FBRS: variants seen among roughly 807,000 people sequenced by gnomAD.
The protein encoded by FBRS is probable fibrosin-1.
FBRS carries 15 observed loss-of-function variants against 86.1 expected under a neutral mutation model. The ratio of observed to expected loss-of-function variants is 0.17; its 90% CI spans 0.12 to 0.27. The LOEUF (loss-of-function observed/expected upper bound fraction) is 0.27, where lower values mean the gene tolerates loss of function less well. FBRS is among the 10% of genes least tolerant of loss of function. The pLI, the probability that FBRS is intolerant of heterozygous loss-of-function variation, is 1.00. For missense variants in FBRS, 1,367 were observed against 1,301.6 expected, an observed-to-expected ratio of 1.05 and a Z score of -0.77; for synonymous variants, 666 against 575.8, an observed-to-expected ratio of 1.16 and a Z score of -2.24.
At chr16:30,660,127 G>T in intron 1 of FBRS, 136 bp from the exon 2 acceptor site, 1 of 1,427,652 alleles carries the variant, frequency 7.0e-7, no homozygotes, top group Non-Finnish European at 9.2e-7. Context: ...CCCCGCCCTG[G>T]GGTGGGAGGA....
At chr16:30,662,491 G>A (rs2052473095) in intron 5 of FBRS, 23 bp downstream of exon 5, 1 of 1,550,620 alleles carries the variant, frequency 6.4e-7, no homozygotes, top group African/African-American at 1.4e-5. Context: ...GTCTGGGGCT[G>A]GAGGCACGGG....
Position 30,665,115 on chromosome 16 carries a change from GGT to G in FBRS, c.1608+40_1608+41del. On this transcript the variant is annotated intron_variant, in intron 9 of 17. Coordinates refer to ENST00000356166, the MANE Select transcript of FBRS (RefSeq NM_001105079.3). The surrounding 1 kb of genome is among the most constrained non-coding windows in gnomAD (Gnocchi z 4.1). ...GTGTGCGTGTGCGTATGGGGTGTGT[GGT>G]GTGGGCGTGGATGCATCCATGCTTG... is the stretch of plus-strand genomic sequence containing the variant. 6.2e-7 allele frequency: 1 copy of G among 1,604,870 alleles called. No homozygotes were observed. Among genetic ancestry groups the G allele is most frequent in the Non-Finnish European group, 8.5e-7 (1 of 1,176,792 alleles).
intron 7 of FBRS, 40 bp downstream of exon 7, chr16:30,664,556 C>A (rs1454636300): frequency 4.2e-6 from 6 of 1,428,214 alleles, no homozygotes; most frequent in Non-Finnish European, 5.5e-6. Flanking sequence ...GGGGCCATCA[C>A]CCCGGGCTCG....
chr16:30,669,716 T>G lies in FBRS; in HGVS notation c.*71T>G. 6.7e-7 allele frequency: 1 copy of G among 1,481,504 alleles called. No homozygotes were observed. The highest frequency in any genetic ancestry group is 2.4e-5 in the East Asian group (1 of 42,462). 91.8% of individuals were successfully genotyped at this position (1,481,504 alleles called of 1,614,324 possible). ...TAACCAGGTCCTAGGGCTGAGGTTT[T>G]AAGCCAGGGCTGGAGGGCAAAGGTC... On this transcript the variant is annotated 3_prime_UTR_variant, in exon 18 of 18. Transcript: ENST00000356166. The surrounding 1 kb of genome is among the most constrained non-coding windows in gnomAD (Gnocchi z 5.9).
At chr16:30,661,269 C>T (rs1002319183) in intron 3 of FBRS, 35 bp from the exon 4 acceptor site, 4 of 1,550,766 alleles carry the variant, frequency 2.6e-6, no homozygotes, top group South Asian at 1.2e-5. Flanking sequence ...GGGCCTCTTC[C>T]CTCTCGTGAC....
Position 30,664,357 on chromosome 16 carries a change from C to A in FBRS, c.1198C>A (p.Leu400Met). Residue 400 changes from leucine (L) to methionine (M), a missense_variant, in exon 7 of 18, where the codon CTG (leucine) becomes ATG (methionine). Physicochemically the swap from Leu to Met is conservative, Grantham distance 15. Transcript: ENST00000356166. ...THRPPTPSLPLPLSTHSFPPP... is the reference protein window; with the variant it reads ...THRPPTPSLPMPLSTHSFPPP... The stretch of plus-strand genomic sequence containing the variant: ...CCGGCCCCCGACGCCCTCACTGCCC[C>A]TGCCTTTGTCCACCCACAGCTTTCC... 1 of 1,539,148 alleles carries A rather than the reference C, an allele frequency of 6.5e-7. No homozygotes were observed. Among genetic ancestry groups the A allele is most frequent in the Non-Finnish European group, 8.8e-7 (1 of 1,139,458 alleles).
chr16:30,667,768 A>C, intron 15 of FBRS, 146 bp downstream of exon 15: 1 of 645,894 alleles, frequency 1.5e-6, no homozygotes, highest in Non-Finnish European at 2.4e-6. Flanking sequence ...ACCCCCTCTG[A>C]GCCTTGATTT....
chr16:30,659,550 C>G lies in FBRS; in HGVS notation c.32C>G (p.Pro11Arg). The G allele has an allele frequency of 3.2e-6, 1 of 317,066 alleles. No individual in the cohort carries two copies. Among genetic ancestry groups the G allele is most frequent in the Non-Finnish European group, 5.7e-6 (1 of 174,736 alleles). 19.6% of individuals were successfully genotyped at this position (317,066 alleles called of 1,614,324 possible). ...ACGGCAGCGGCCGCGGCCCCGGGTC[C>G]GGGCTGGGCAGCAGAGGGGGAGCGC... is the stretch of plus-strand genomic sequence containing the variant. METAAAAAPG[P>R]GWAAEGERRR... The change falls in exon 1 of 18, where the codon CCG (proline) becomes CGG (arginine). Residue 11 changes from proline to arginine, a missense_variant. Physicochemically the swap from Pro to Arg is moderately radical, Grantham distance 103. Coordinates refer to ENST00000356166, the MANE Select transcript of FBRS (RefSeq NM_001105079.3).
chr16:30,668,618 T>G lies in FBRS; in HGVS notation c.2133T>G (p.Phe711Leu). Residue 711 changes from phenylalanine to leucine, a missense_variant, in exon 16 of 18, where the codon TTT becomes TTG. Physicochemically the swap from Phe to Leu is conservative, Grantham distance 22 (BLOSUM62 0). This residue lies in a region of FBRS where 659 missense variants were observed against 678.8 expected (regional missense o/e 0.97). Transcript: ENST00000356166. ...TGGCTGCCCTCTCCAACGGGGCCTT[T>G]GGAGGCCTGGGCAGCCCCACATTCA... ...ASLAALSNGA[F>L]GGLGSPTFNS... The G allele has an allele frequency of 6.2e-7, 1 of 1,608,764 alleles. No homozygotes were observed. Among genetic ancestry groups the G allele is most frequent in the South Asian group, 1.1e-5 (1 of 90,896 alleles).
intron 1 of FBRS, 85 bp from the exon 2 acceptor site, chr16:30,660,178 G>A: frequency 1.4e-6 from 2 of 1,412,398 alleles, no homozygotes; most frequent in Admixed American, 3.1e-5. Flanking sequence ...CCGGCCCGAG[G>A]GGTACTTCGG....
chr16:30,669,424 G>A lies in FBRS; in HGVS notation c.2722G>A (p.Gly908Arg), dbSNP rs370740280. The A allele has an allele frequency of 1.5e-5, 24 of 1,612,686 alleles. No individual in the cohort carries two copies. In the South Asian group the frequency reaches 1.6e-4, roughly 11 times the overall value. Residue 908 changes from glycine to arginine, a missense_variant, in exon 18 of 18, where the codon GGG becomes AGG. Coordinates refer to ENST00000356166, the MANE Select transcript of FBRS (RefSeq NM_001105079.3). This position sits in a 1 kb window ranked among gnomAD's most constrained non-coding sequence, Gnocchi z 5.9. ...GGCGGGTGAGGAGCTAACTGGACCC[G>A]GGGCCGTGGCCGCTGCCCGCCTCTA... ...YEAGEELTGP[G>R]AVAAARLYGL...
In FBRS at chr16:30,662,739, C is replaced by T. The variant is rs1178046180; in HGVS notation, c.935C>T (p.Ala312Val). The T allele has an allele frequency of 1.3e-6, 2 of 1,538,902 alleles. No homozygotes were observed. Among genetic ancestry groups the T allele is most frequent in the East Asian group, 2.5e-5 (1 of 40,738 alleles). Residue 312 changes from alanine (A) to valine (V), a missense_variant, in exon 6 of 18, where the codon GCA becomes GTA. Around this residue, in one of 3 missense-constraint regions of FBRS, gnomAD observed 702 missense variants for 598.7 expected, o/e 1.17. Coordinates refer to ENST00000356166, the MANE Select transcript of FBRS (RefSeq NM_001105079.3). ...CCTCGGCCTCCTGTCTCACCCCCTGCACCCCTGCCGGCCACTCCCAGTCTG... is the reference window on the plus strand; with the variant it reads ...CCTCGGCCTCCTGTCTCACCCCCTGTACCCCTGCCGGCCACTCCCAGTCTG... ...PVPRPPVSPP[A>V]PLPATPSLPP...
chr16:30,668,987 T>A lies in FBRS; in HGVS notation c.2366+8T>A. 1 of 1,481,134 alleles carries A rather than the reference T, an allele frequency of 6.8e-7. No homozygotes were observed. The highest frequency in any genetic ancestry group is 9.2e-7 in the Non-Finnish European group (1 of 1,088,976). 91.7% of individuals were successfully genotyped at this position (1,481,134 alleles called of 1,614,324 possible). A position where few individuals can be genotyped will look rare whatever the true frequency, so the allele number is the denominator to read the frequency against. On this transcript the variant is annotated splice_region_variant and intron_variant, in intron 17 of 17. Coordinates refer to ENST00000356166, the MANE Select transcript of FBRS (RefSeq NM_001105079.3). The stretch of plus-strand genomic sequence containing the variant: ...CAAGGAGGAGAAGGACAGGTGTGCC[T>A]CCCACCCACCCTGCCCCTGCCCCAC...
In FBRS at chr16:30,659,849, G is replaced by A. The variant is rs750343411; in HGVS notation, c.331G>A (p.Glu111Lys). The A allele has an allele frequency of 2.0e-6, 3 of 1,536,222 alleles. No individual in the cohort carries two copies. The South Asian group carries it at 3.6e-5, about 18-fold the overall frequency. ...GSGSRGEEEE[E>K]EEEEGGADDG... ...GGGCAGCCGCGGGGAGGAAGAGGAG[G>A]AGGAGGAGGAGGAGGGGGGCGCAGA... The change falls in exon 1 of 18, where the codon GAG (glutamate) becomes AAG (lysine). Residue 111 changes from glutamate to lysine, a missense_variant. Physicochemically the swap from Glu to Lys is moderately conservative, Grantham distance 56 (BLOSUM62 1). This residue lies in a region of FBRS where 702 missense variants were observed against 598.7 expected (regional missense o/e 1.17). Coordinates refer to ENST00000356166, the MANE Select transcript of FBRS (RefSeq NM_001105079.3).
chr16:30,665,602 GC>G lies in FBRS; in HGVS notation c.1705-35del. The G allele has an allele frequency of 6.4e-7, 1 of 1,558,250 alleles. No individual in the cohort carries two copies. Among genetic ancestry groups the G allele is most frequent in the Non-Finnish European group, 8.7e-7 (1 of 1,150,310 alleles). Reference sequence around the variant, plus strand: ...CTGGATCCCTTTGTGCTTGGTGCCAGCTCTCCTGTCTGATCCCTCCACTCCC... The same window carrying G: ...CTGGATCCCTTTGTGCTTGGTGCCAGTCTCCTGTCTGATCCCTCCACTCCC... On this transcript the variant is annotated intron_variant, in intron 10 of 17. Coordinates refer to ENST00000356166, the MANE Select transcript of FBRS (RefSeq NM_001105079.3). The surrounding 1 kb of genome is among the most constrained non-coding windows in gnomAD (Gnocchi z 4.1).
In FBRS at chr16:30,665,679, G is replaced by A. The variant is rs750347130; in HGVS notation, c.1746G>A (p.Pro582=). ...PELPPRLGPV[P]SGLSQKGTQI... is the part of the protein sequence containing the mutation. ...TGCCACCACGACTGGGGCCGGTGCC[G>A]AGCGGGCTCTCCCAGAAGGGGACAC... Residue 582 remains proline, a synonymous_variant, in exon 11 of 18, where the codon CCG becomes CCA. Coordinates refer to ENST00000356166, the MANE Select transcript of FBRS (RefSeq NM_001105079.3). This position sits in a 1 kb window ranked among gnomAD's most constrained non-coding sequence, Gnocchi z 4.1. The A allele has an allele frequency of 2.7e-5, 43 of 1,589,896 alleles. No homozygotes were observed. The highest frequency in any genetic ancestry group is 3.6e-5 in the Admixed American group (2 of 56,040).
At chr16:30,662,887 T>C (rs928328112) in intron 6 of FBRS, 28 bp downstream of exon 6, 23 of 1,423,172 alleles carry the variant, frequency 1.6e-5, no homozygotes, top group Non-Finnish European at 1.9e-5. Context: ...ATTGATGCGG[T>C]CCGGAAGGGC....
At chr16:30,667,111 C>G in intron 13 of FBRS, 121 bp downstream of exon 13, 2 of 1,091,280 alleles carry the variant, frequency 1.8e-6, no homozygotes, top group Non-Finnish European at 2.7e-6. Flanking sequence ...TCCTGTCCCC[C>G]ATCACTGCTG....
chr16:30,666,566 T>A (rs1178810680), intron 12 of FBRS, 25 bp downstream of exon 12: 1 of 1,613,844 alleles, frequency 6.2e-7, no homozygotes, highest in Non-Finnish European at 8.5e-7. Context: ...GACCTCAGGC[T>A]GCATGAGGCT....
Sources: allele counts gnomAD v4.1 joint callset, GRCh38; gene constraint gnomAD v4.1.1; regional missense constraint gnomAD v4.1.1; non-coding constraint Gnocchi (gnomAD v3.1); transcripts MANE v1.5; gene names NCBI Gene and HGNC (gene_info 2026-07-23, HGNC 2026-07-21).